ZNF148: variants seen among roughly 807,000 people sequenced by gnomAD.
ZNF148 encodes Beta-Enolase Repressor Factor-1.
ZNF148 carries 7 observed loss-of-function variants against 67.7 expected under a neutral mutation model. The observed-to-expected ratio is 0.10, with a 90% CI of 0.06 to 0.19. The LOEUF is 0.19. Ranked by LOEUF, ZNF148 falls within the 10% of genes least tolerant of loss-of-function variation. The pLI is 1.00. For synonymous variants in ZNF148, 333 were observed against 330.7 expected, an observed-to-expected ratio of 1.01 and a Z score of -0.08; for missense variants, 583 against 947.1, an observed-to-expected ratio of 0.62 and a Z score of 5.05.
rs573800350 is a variant in ZNF148, at chr3:125,341,106, T to C, written c.-233-9868A>G. Among the ~76,000 whole-genome samples, 8 of 151,102 alleles carry C rather than the reference T, an allele frequency of 5.3e-5. No homozygotes were observed. The South Asian group carries it at 6.3e-4, about 12-fold the overall frequency. ...GCCAAAGTAGAGGGTAAATCAGATG[T>C]TGGAATTTGACAAGAATTTTTAAGC... On this transcript the variant is annotated intron_variant, in intron 1 of 8. Coordinates refer to ENST00000360647, the MANE Select transcript of ZNF148 (RefSeq NM_021964.3).
intron 2 of ZNF148, among the ~76,000 whole-genome samples, chr3:125,325,534 T>C (rs4679384): frequency 0.78 from 118,076 of 152,062 alleles, 46,461 homozygotes; most frequent in African/African-American, 0.87. Flanking sequence ...AGTACAATCT[T>C]GGCTCAGTGC....
At chr3:125,290,624 G>A (rs1938958031) in intron 4 of ZNF148, among the ~76,000 whole-genome samples, 1 of 152,106 alleles carries the variant, frequency 6.6e-6, no homozygotes, top group African/African-American at 2.4e-5. Flanking sequence ...TGCCTGCTCT[G>A]TCAGGCTAAA....
chr3:125,370,165 A>G (rs560317591), intron 1 of ZNF148, among the ~76,000 whole-genome samples: 6 of 152,246 alleles, frequency 3.9e-5, no homozygotes, highest in African/African-American at 9.6e-5. Context: ...TCCAGATTAA[A>G]CTAGCTTCAA....
Position 125,296,626 on chromosome 3 carries a change from A to T in ZNF148, c.334-8398T>A, listed in dbSNP as rs73859166. On this transcript the variant is annotated intron_variant, in intron 4 of 8. Transcript: ENST00000360647. The stretch of plus-strand genomic sequence containing the variant: ...ACTACAATTTGGCCAATATACAATA[A>T]AAGCCTTAAGAGACCTATACTGAGG... 9.8e-3 allele frequency among the ~76,000 whole-genome samples: 1,490 copies of T among 152,332 alleles called. 33 individuals are homozygous for T. The highest frequency in any genetic ancestry group is 0.033 in the African/African-American group (1,391 of 41,578).
chr3:125,298,765 C>T (rs1309634630), intron 4 of ZNF148, among the ~76,000 whole-genome samples: 2 of 151,792 alleles, frequency 1.3e-5, no homozygotes, highest in Admixed American at 6.6e-5. Context: ...GCTGGGACTA[C>T]AGGCGCGTGC....
At chr3:125,365,292 C>G (rs1277709337) in intron 1 of ZNF148, among the ~76,000 whole-genome samples, 1 of 152,180 alleles carries the variant, frequency 6.6e-6, no homozygotes, top group African/African-American at 2.4e-5. Flanking sequence ...CGAATAAATT[C>G]TGGCAGTCCA....
intron 7 of ZNF148, among the ~76,000 whole-genome samples, chr3:125,241,995 C>T (rs1188675520): frequency 6.6e-6 from 1 of 152,146 alleles, no homozygotes; most frequent in Non-Finnish European, 1.5e-5. Context: ...TCTTATATTT[C>T]ATCTTCTGCG....
intron 4 of ZNF148, among the ~76,000 whole-genome samples, chr3:125,306,054 T>C (rs938852100): frequency 1.3e-5 from 2 of 151,960 alleles, no homozygotes; most frequent in African/African-American, 4.8e-5. Context: ...CTTCAAAATA[T>C]TCAGAAATTA....
At chr3:125,299,767 T>C (rs1939491411) in intron 4 of ZNF148, among the ~76,000 whole-genome samples, 1 of 152,156 alleles carries the variant, frequency 6.6e-6, no homozygotes, top group Non-Finnish European at 1.5e-5. Flanking sequence ...GGAATAGCAC[T>C]CAGTCCATGC....
chr3:125,269,967 A>C (rs1237674307), intron 7 of ZNF148, among the ~76,000 whole-genome samples: 2 of 152,068 alleles, frequency 1.3e-5, no homozygotes, highest in African/African-American at 4.8e-5. Flanking sequence ...GGAAGAAGAG[A>C]AGGAATGGGG....
chr3:125,276,457 GA>G (rs1456819328), intron 7 of ZNF148, among the ~76,000 whole-genome samples: 1 of 151,766 alleles, frequency 6.6e-6, no homozygotes, highest in Non-Finnish European at 1.5e-5. Context: ...TTTTGAGACG[GA>G]GTTTCACTCT....
intron 4 of ZNF148, among the ~76,000 whole-genome samples, chr3:125,299,491 T>A (rs776233740): frequency 1.3e-5 from 2 of 152,180 alleles, no homozygotes; most frequent in Non-Finnish European, 2.9e-5. Context: ...CTAGCAAGTT[T>A]CCATCTCTGT....
Position 125,233,000 on chromosome 3 carries a change from A to G in ZNF148, c.1726T>C (p.Ser576Pro), listed in dbSNP as rs1560101645. The change falls in exon 9 of 9, where the codon TCA becomes CCA. Residue 576 changes from serine (S) to proline (P), a missense_variant. Ser to Pro is a moderately conservative substitution (Grantham distance 74). Coordinates refer to ENST00000360647, the MANE Select transcript of ZNF148 (RefSeq NM_021964.3). This position sits in a 1 kb window ranked among gnomAD's most constrained non-coding sequence, Gnocchi z 4.2. ...GACGGGGTGACCTCTGGTACTTCTG[A>G]AGAATTTATTGATATGCTAGAAGTC... ...EVTSSISINS[S>P]EVPEVTPSEN... 4 of 1,613,764 alleles carry G rather than the reference A, an allele frequency of 2.5e-6. No individual in the cohort carries two copies. The highest frequency in any genetic ancestry group is 3.4e-6 in the Non-Finnish European group (4 of 1,179,838).
At chr3:125,315,756 C>T (rs1462178867) in intron 3 of ZNF148, among the ~76,000 whole-genome samples, 4 of 148,792 alleles carry the variant, frequency 2.7e-5, no homozygotes, top group African/African-American at 7.4e-5. Context: ...TAAGTATATA[C>T]ATTTATGGGG....
intron 4 of ZNF148, among the ~76,000 whole-genome samples, chr3:125,296,364 C>A (rs564813014): frequency 9.2e-5 from 14 of 152,302 alleles, no homozygotes; most frequent in African/African-American, 3.1e-4. Flanking sequence ...CTCAAGAGAT[C>A]CACCCGCCTC....
At chr3:125,247,971 C>T (rs1936675720) in intron 7 of ZNF148, among the ~76,000 whole-genome samples, 1 of 152,150 alleles carries the variant, frequency 6.6e-6, no homozygotes, top group Non-Finnish European at 1.5e-5. Flanking sequence ...ATATTTATGA[C>T]ACTTCCACAT....
At chr3:125,253,595 A>G (rs1200978057) in intron 7 of ZNF148, among the ~76,000 whole-genome samples, 3 of 152,204 alleles carry the variant, frequency 2.0e-5, no homozygotes, top group East Asian at 3.8e-4. Flanking sequence ...GTCAGATAAA[A>G]TAAGTCCCCT....
At chr3:125,361,307 G>C (rs1187309120) in intron 1 of ZNF148, among the ~76,000 whole-genome samples, 1 of 152,060 alleles carries the variant, frequency 6.6e-6, no homozygotes, top group Non-Finnish European at 1.5e-5. Flanking sequence ...TCGCTTGGGA[G>C]TCACATTACT....
chr3:125,359,211 T>G (rs1942461268), intron 1 of ZNF148, among the ~76,000 whole-genome samples: 1 of 152,220 alleles, frequency 6.6e-6, no homozygotes, highest in African/African-American at 2.4e-5. Flanking sequence ...TCTCCAGAGA[T>G]CTTTCATTAT....
Sources: gnomAD v4.1 joint callset for allele counts (sites outside exome capture counted in the v4.1 genomes callset) on GRCh38, gnomAD v4.1.1 for gene constraint, Gnocchi (gnomAD v3.1) non-coding constraint, MANE v1.5 for transcripts, NCBI Gene and HGNC (gene_info 2026-07-23, HGNC 2026-07-21) for gene names.